The following CTNNA2 variants were observed in gnomAD, a reference collection of about 807,000 sequenced individuals.
CTNNA2 encodes the protein catenin alpha 2.
Under a neutral mutation model 101.0 loss-of-function variants are expected in CTNNA2, and 42 were observed. That is an observed-to-expected ratio of 0.42 (90% CI 0.32 to 0.54). The LOEUF is 0.54. Ranked by LOEUF, CTNNA2 falls within the 20% of genes least tolerant of loss-of-function variation. The pLI is 0.14. For synonymous variants in CTNNA2, 450 were observed against 456.4 expected (o/e 0.99, Z 0.18); for missense variants, 871 against 1,223.1 (o/e 0.71, Z 4.29).
At chr2:79,614,602 C>G (rs1398497725) in intron 1 of CTNNA2, among the ~76,000 whole-genome samples, 1 of 152,110 alleles carries the variant, frequency 6.6e-6, no homozygotes, top group Non-Finnish European at 1.5e-5. Flanking sequence ...GCTCTAAGTA[C>G]TACAGTGTCA....
intron 1 of CTNNA2, among the ~76,000 whole-genome samples, chr2:79,586,052 C>T (rs1464681036): frequency 3.9e-5 from 6 of 152,226 alleles, no homozygotes; most frequent in South Asian, 4.1e-4. Flanking sequence ...ACAAAAGTGT[C>T]GATGTTAGTC....
chr2:80,580,943 G>A (rs187489628), intron 13 of CTNNA2, among the ~76,000 whole-genome samples: 11 of 152,232 alleles, frequency 7.2e-5, no homozygotes, highest in Admixed American at 1.3e-4. Context: ...TTGAACCTGG[G>A]AGGTGGAAGT....
chr2:79,544,104 A>C (rs1266392070), intron 1 of CTNNA2, among the ~76,000 whole-genome samples: 1 of 152,090 alleles, frequency 6.6e-6, no homozygotes, highest in Admixed American at 6.6e-5. Flanking sequence ...CACTGGGCTA[A>C]TTTTTGTATT....
At chr2:79,319,437 G>A (rs1314735929) in intron 3 of CTNNA2, among the ~76,000 whole-genome samples, 3 of 152,052 alleles carry the variant, frequency 2.0e-5, no homozygotes, top group African/African-American at 7.3e-5. Context: ...TTTCTTTTCA[G>A]TCTCATTCTG....
intron 7 of CTNNA2, among the ~76,000 whole-genome samples, chr2:80,182,379 G>T (rs1291638870): frequency 6.6e-6 from 1 of 152,146 alleles, no homozygotes; most frequent in East Asian, 1.9e-4. Flanking sequence ...AGCTGTGCTG[G>T]CAGCTAATTA....
chr2:79,484,615 G>A (rs1180437087), intron 4 of CTNNA2, among the ~76,000 whole-genome samples: 1 of 152,122 alleles, frequency 6.6e-6, no homozygotes, highest in Non-Finnish European at 1.5e-5. Flanking sequence ...CAAGGGCGAG[G>A]TGCTTGAGAT....
intron 1 of CTNNA2, among the ~76,000 whole-genome samples, chr2:79,575,024 C>T (rs563071999): frequency 2.0e-5 from 3 of 152,166 alleles, no homozygotes; most frequent in East Asian, 1.9e-4. Flanking sequence ...TTTTGAAAAG[C>T]GTTGGTTCGT....
chr2:79,358,724 C>T (rs1677563044), intron 3 of CTNNA2, among the ~76,000 whole-genome samples: 1 of 152,114 alleles, frequency 6.6e-6, no homozygotes, highest in Non-Finnish European at 1.5e-5. Context: ...TCTAAATATC[C>T]TAGGTTTTTA....
chr2:79,291,119 A>C (rs995242150), intron 2 of CTNNA2, among the ~76,000 whole-genome samples: 1 of 152,196 alleles, frequency 6.6e-6, no homozygotes, highest in Non-Finnish European at 1.5e-5. Context: ...ACACTCTGTG[A>C]GGGGGATAAG....
chr2:79,756,475 A>G (rs555870159), intron 3 of CTNNA2, among the ~76,000 whole-genome samples: 1 of 152,324 alleles, frequency 6.6e-6, no homozygotes, highest in East Asian at 1.9e-4. Context: ...TGAGACAAAT[A>G]AGTAAAATAT....
At chr2:80,110,291 GT>G (rs752359654) in intron 7 of CTNNA2, among the ~76,000 whole-genome samples, 2 of 152,142 alleles carry the variant, frequency 1.3e-5, no homozygotes, top group Non-Finnish European at 2.9e-5. Flanking sequence ...TGGGCAATAT[GT>G]TACCTCCCTT....
At chr2:79,682,635 GA>G (rs1683658899) in intron 2 of CTNNA2, among the ~76,000 whole-genome samples, 1 of 152,028 alleles carries the variant, frequency 6.6e-6, no homozygotes, top group Non-Finnish European at 1.5e-5. Context: ...ATATAAGGGG[GA>G]AAATTTATAT....
At chr2:80,139,846 T>A (rs1702900551) in intron 7 of CTNNA2, among the ~76,000 whole-genome samples, 1 of 152,152 alleles carries the variant, frequency 6.6e-6, no homozygotes, top group Non-Finnish European at 1.5e-5. Flanking sequence ...GAAGAAAGCA[T>A]GTTTGCTTGC....
At chr2:79,449,118 A>C (rs1464485683) in intron 4 of CTNNA2, among the ~76,000 whole-genome samples, 1 of 151,978 alleles carries the variant, frequency 6.6e-6, no homozygotes, top group Non-Finnish European at 1.5e-5. Context: ...CACTCCCCCC[A>C]AAAAGGGGTT....
intron 7 of CTNNA2, among the ~76,000 whole-genome samples, chr2:80,137,644 T>A (rs1702767891): frequency 6.6e-6 from 1 of 151,972 alleles, no homozygotes; most frequent in African/African-American, 2.4e-5. Context: ...ATAGAATAAG[T>A]TAGGAGCTTG....
chr2:79,366,150 G>A (rs1260383917), intron 3 of CTNNA2, among the ~76,000 whole-genome samples: 2 of 152,192 alleles, frequency 1.3e-5, no homozygotes. Flanking sequence ...CACGTGCAGG[G>A]CTAAGGAGGA....
At chr2:79,931,673 T>C (rs1309773732) in intron 7 of CTNNA2, among the ~76,000 whole-genome samples, 1 of 152,210 alleles carries the variant, frequency 6.6e-6, no homozygotes, top group South Asian at 2.1e-4. Flanking sequence ...GGAAGTTTGT[T>C]TTTTTAACTA....
At chr2:79,417,308 TA>T (rs1482350385) in intron 4 of CTNNA2, among the ~76,000 whole-genome samples, 3 of 152,150 alleles carry the variant, frequency 2.0e-5, no homozygotes, top group African/African-American at 7.2e-5. Context: ...AGACTGGGAA[TA>T]AAAACATTAC....
rs1674351906 is a variant in CTNNA2, at chr2:80,648,500, C to T, written c.*628C>T. The T allele has an allele frequency of 6.6e-6, 1 of 152,492 alleles. No individual in the cohort carries two copies. Among genetic ancestry groups the T allele is most frequent in the Non-Finnish European group, 1.5e-5 (1 of 68,028 alleles). The allele number at this position is 152,492 out of a possible 1,614,324, so 9.4% of individuals were successfully genotyped here. On this transcript the variant is annotated 3_prime_UTR_variant, in exon 19 of 19. Transcript: ENST00000402739. The stretch of plus-strand genomic sequence containing the variant: ...TTACTAGTGATCATGTTTTTTTCCC[C>T]CCTTTAATGAAAACAATAAACATCT...
Sources: gnomAD v4.1 joint callset for allele counts (sites outside exome capture counted in the v4.1 genomes callset) on GRCh38, gnomAD v4.1.1 for gene constraint, MANE v1.5 for transcripts, NCBI Gene and HGNC (gene_info 2026-07-23, HGNC 2026-07-21) for gene names.